Variants in ITGA4 observed in about 807,000 individuals in gnomAD.
ITGA4 encodes integrin alpha-4.
In ITGA4, 63 loss-of-function variants were observed where a neutral mutation model predicts 133.6. The observed-to-expected ratio is 0.47, with a 90% CI of 0.38 to 0.58. ITGA4 has a LOEUF of 0.58. Ranked by LOEUF, ITGA4 falls within the 20% of genes least tolerant of loss-of-function variation. ITGA4 has a pLI of 0.00. For missense variants in ITGA4, 1,076 were observed against 1,252.7 expected (o/e 0.86, Z 2.13); for synonymous variants, 483 against 438.0 (o/e 1.10, Z -1.28).
intron 14 of ITGA4, among the ~76,000 whole-genome samples, chr2:181,496,270 A>G (rs1042353003): frequency 1.3e-5 from 2 of 152,140 alleles, no homozygotes; most frequent in African/African-American, 4.8e-5. Context: ...CATTTTATCA[A>G]GTGTCAATAA....
intron 22 of ITGA4, 129 bp downstream of exon 22, chr2:181,527,516 C>A: frequency 1.6e-6 from 1 of 629,900 alleles, no homozygotes; most frequent in South Asian, 1.8e-5. Context: ...TGGAATGGGG[C>A]AGCAGCAGTG....
chr2:181,533,280 G>A (rs544000863), intron 25 of ITGA4, among the ~76,000 whole-genome samples: 1 of 152,290 alleles, frequency 6.6e-6, no homozygotes, highest in Admixed American at 6.5e-5. Context: ...TGGAATTCTT[G>A]AAATTGCCAA....
chr2:181,531,730 C>T lies in ITGA4; in HGVS notation c.2738C>T (p.Ala913Val). 6.2e-7 allele frequency: 1 copy of T among 1,606,404 alleles called. No individual in the cohort carries two copies. Among genetic ancestry groups the T allele is most frequent in the African/African-American group, 1.3e-5 (1 of 74,576 alleles). The change falls in exon 25 of 28, where the codon GCC (alanine) becomes GTC (valine). Residue 913 changes from alanine (A) to valine (V), a missense_variant. By Grantham distance (64) the Ala-to-Val change is moderately conservative. Around this residue, in one of 4 missense-constraint regions of ITGA4, gnomAD observed 193 missense variants for 172.3 expected, o/e 1.12. Transcript: ENST00000397033. ...NFGKMESGKE[A>V]SVHIQLEGRP... ...GGGAAAATGGAAAGTGGAAAAGAAG[C>T]CAGTGTTCATATCCAACTGGAAGGC...
intron 10 of ITGA4, among the ~76,000 whole-genome samples, chr2:181,492,095 A>G (rs16867431): frequency 0.1 from 15,773 of 152,202 alleles, 1,206 homozygotes; most frequent in East Asian, 0.22. Context: ...TGAGTTTCCT[A>G]TTGTGATACT....
rs1417213332 is a variant in ITGA4, at chr2:181,509,154, A to T, written c.1696-504A>T. Among the ~76,000 whole-genome samples the T allele has an allele frequency of 3.0e-3, 75 of 25,344 alleles. 6 individuals carry two copies. Among genetic ancestry groups the T allele is most frequent in the African/African-American group, 5.1e-3 (28 of 5,510 alleles). 16.6% of individuals were successfully genotyped at this position (25,344 alleles called of 152,430 possible). On this transcript the variant is annotated intron_variant, in intron 15 of 27. Transcript: ENST00000397033. ...ATCTCTTAAAAAAAAAAAAAAAAAA[A>T]AAAAAAAAAAAAAAAAAAAAAAAAA...
rs774260786 is a variant in ITGA4 at position 181,538,162 on chromosome 2, T to G, written c.*2635T>G. 2.0e-6 allele frequency: 3 copies of G among 1,483,000 alleles called. No individual in the cohort carries two copies. The highest frequency in any genetic ancestry group is 2.8e-6 in the Non-Finnish European group (3 of 1,063,026). The allele number at this position is 1,483,000 out of a possible 1,614,324, so 91.9% of individuals were successfully genotyped here. The stretch of plus-strand genomic sequence containing the variant: ...TATATTAAAATTCTAGTTTGTACAT[T>G]TCTTTTAGAAACAATTACATGTTAC... On this transcript the variant is annotated 3_prime_UTR_variant, in exon 28 of 28. Coordinates refer to ENST00000397033, the MANE Select transcript of ITGA4 (RefSeq NM_000885.6).
chr2:181,478,940 C>T, intron 5 of ITGA4, 116 bp downstream of exon 5: 1 of 481,166 alleles, frequency 2.1e-6, no homozygotes, highest in Non-Finnish European at 3.6e-6. Flanking sequence ...TTCATCATGT[C>T]TCTTAAACTT....
chr2:181,538,833 T>C lies in ITGA4; in HGVS notation c.*3306T>C, dbSNP rs939478578. Among the ~76,000 whole-genome samples, 1 of 152,198 alleles carries C rather than the reference T, an allele frequency of 6.6e-6. No individual in the cohort carries two copies. The highest frequency in any genetic ancestry group is 1.5e-5 in the Non-Finnish European group (1 of 68,016). On this transcript the variant is annotated 3_prime_UTR_variant, in exon 28 of 28. Transcript: ENST00000397033. ...AGTTGTAGACATTATCTGTAGTTTATGCACAACAATAAATTAGAAAGCCAA... is the reference window on the plus strand; with the variant it reads ...AGTTGTAGACATTATCTGTAGTTTACGCACAACAATAAATTAGAAAGCCAA...
chr2:181,514,967 T>G (rs913426204), intron 17 of ITGA4, among the ~76,000 whole-genome samples: 2 of 152,106 alleles, frequency 1.3e-5, no homozygotes, highest in African/African-American at 4.8e-5. Flanking sequence ...TGATTTTAAA[T>G]GAAGTATAAG....
chr2:181,460,113 C>T (rs928986890), intron 2 of ITGA4, among the ~76,000 whole-genome samples: 1 of 152,078 alleles, frequency 6.6e-6, no homozygotes, highest in Non-Finnish European at 1.5e-5. Context: ...ATTTATCAAC[C>T]TGACTGATGA....
intron 16 of ITGA4, among the ~76,000 whole-genome samples, chr2:181,510,916 GA>G (rs34362401): frequency 0.26 from 39,121 of 150,952 alleles, 5,526 homozygotes; most frequent in Non-Finnish European, 0.32. Flanking sequence ...AGAAATGGCA[GA>G]AAAAAAAATC....
At position 181,535,421 on chromosome 2, in the gene ITGA4, G is replaced by A. The variant is rs779263506; in HGVS notation, c.3004-11G>A. ...AACTATACACTAGTGATTATGTTAT[G>A]CTATTTTCAGGCTGGCTTCTTTAAA... On this transcript the variant is annotated splice_polypyrimidine_tract_variant and intron_variant, in intron 27 of 27. Coordinates refer to ENST00000397033, the MANE Select transcript of ITGA4 (RefSeq NM_000885.6). 3.8e-6 allele frequency: 6 copies of A among 1,591,626 alleles called. No homozygotes were observed. In the South Asian group the frequency reaches 6.8e-5, roughly 18 times the overall value.
chr2:181,488,933 G>A (rs1685983318), intron 10 of ITGA4, among the ~76,000 whole-genome samples: 1 of 152,170 alleles, frequency 6.6e-6, no homozygotes, highest in South Asian at 2.1e-4. Context: ...CAAGACCATT[G>A]CTGATGTGGA....
intron 17 of ITGA4, among the ~76,000 whole-genome samples, chr2:181,515,779 C>T (rs1187858021): frequency 6.6e-6 from 1 of 152,048 alleles, no homozygotes; most frequent in Admixed American, 6.6e-5. Flanking sequence ...TATGTCTCTC[C>T]CACAGAGGTG....
chr2:181,497,739 C>T (rs1343067771), intron 14 of ITGA4, among the ~76,000 whole-genome samples: 2 of 152,066 alleles, frequency 1.3e-5, no homozygotes, highest in Admixed American at 6.6e-5. Context: ...GAATTATTGC[C>T]TCTATGTAGT....
At chr2:181,490,941 C>G (rs1218352974) in intron 10 of ITGA4, among the ~76,000 whole-genome samples, 7 of 152,142 alleles carry the variant, frequency 4.6e-5, no homozygotes, top group Non-Finnish European at 1.0e-4. Flanking sequence ...TACCTATGTT[C>G]TGTATATTGT....
chr2:181,536,617 T>TGAAAGATACTGATTCAATTTGTA lies in ITGA4; in HGVS notation c.*1091_*1113dup, dbSNP rs1401584579. ...ATAAATTTAAATTCATAAATTTAGC[T>TGAAAGATACTGATTCAATTTGTA]GAAAGATACTGATTCAATTTGTATA... On this transcript the variant is annotated 3_prime_UTR_variant, in exon 28 of 28. Coordinates refer to ENST00000397033, the MANE Select transcript of ITGA4 (RefSeq NM_000885.6). 1.1e-4 allele frequency: 18 copies of TGAAAGATACTGATTCAATTTGTA among 160,252 alleles called. No homozygotes were observed. The highest frequency in any genetic ancestry group is 2.5e-4 in the Admixed American group (4 of 16,088). 9.9% of individuals were successfully genotyped at this position (160,252 alleles called of 1,614,324 possible).
intron 19 of ITGA4, 100 bp from the exon 20 acceptor site, chr2:181,524,071 C>T: frequency 1.4e-6 from 1 of 732,926 alleles, no homozygotes; most frequent in South Asian, 1.8e-5. Context: ...TGGTTCAATT[C>T]TACATTCCAT....
In ITGA4 at chr2:181,516,865, A is replaced by G. The variant is rs1201469661; in HGVS notation, c.1922+5090A>G. The stretch of plus-strand genomic sequence containing the variant: ...TTCCCGAAAGAGCTAGTGTGATGAA[A>G]TTGTCCATTTTTAAAATGGAAATAG... On this transcript the variant is annotated intron_variant, in intron 17 of 27. Coordinates refer to ENST00000397033, the MANE Select transcript of ITGA4 (RefSeq NM_000885.6). This position sits in a 1 kb window ranked among gnomAD's most constrained non-coding sequence, Gnocchi z 4.0. Among the ~76,000 whole-genome samples the G allele has an allele frequency of 6.6e-6, 1 of 152,086 alleles. No homozygotes were observed. The highest frequency in any genetic ancestry group is 2.4e-5 in the African/African-American group (1 of 41,416).
Sources: allele counts gnomAD v4.1 joint callset (sites outside exome capture counted in the v4.1 genomes callset), GRCh38; gene constraint gnomAD v4.1.1; regional missense constraint gnomAD v4.1.1; non-coding constraint Gnocchi (gnomAD v3.1); transcripts MANE v1.5; gene names NCBI Gene and HGNC (gene_info 2026-07-23, HGNC 2026-07-21).